TGS1: variants seen among roughly 807,000 people sequenced by gnomAD.
The protein encoded by TGS1 is trimethylguanosine synthase.
A neutral mutation model predicts 92.2 loss-of-function variants in TGS1; 69 were observed. The ratio of observed to expected loss-of-function variants is 0.75; its 90% CI spans 0.62 to 0.91. TGS1 has a LOEUF of 0.91. Among genes scored for constraint, TGS1 ranks in the 40% least tolerant of loss-of-function variants. The pLI is 0.00. For synonymous variants in TGS1, 345 were observed against 338.1 expected, an observed-to-expected ratio of 1.02 and a Z score of -0.22; for missense variants, 1,062 against 1,001.2, an observed-to-expected ratio of 1.06 and a Z score of -0.82.
chr8:55,796,705 C>T (rs907506024), intron 7 of TGS1, among the ~76,000 whole-genome samples: 1 of 151,230 alleles, frequency 6.6e-6, no homozygotes, highest in African/African-American at 2.4e-5. Flanking sequence ...AAACACGCAA[C>T]CTTGGCCGGG....
chr8:55,803,538 G>A (rs66631972), intron 9 of TGS1, among the ~76,000 whole-genome samples: 17,069 of 152,044 alleles, frequency 0.11, 1,158 homozygotes, highest in Middle Eastern at 0.17. Flanking sequence ...AAATAAGGCT[G>A]GAAAACACTT....
intron 7 of TGS1, among the ~76,000 whole-genome samples, chr8:55,796,815 ACC>A (rs1417180904): frequency 6.6e-6 from 1 of 151,548 alleles, no homozygotes; most frequent in East Asian, 1.9e-4. Flanking sequence ...ACATGGTGAA[ACC>A]CCATCTCTAC....
chr8:55,779,197 A>G (rs542767015), intron 1 of TGS1, among the ~76,000 whole-genome samples: 2 of 152,360 alleles, frequency 1.3e-5, no homozygotes, highest in South Asian at 2.1e-4. Context: ...CTTAGCAAGT[A>G]TAATGGAAAT....
intron 12 of TGS1, among the ~76,000 whole-genome samples, chr8:55,820,410 C>A (rs532000026): frequency 6.6e-6 from 1 of 151,800 alleles, no homozygotes; most frequent in Non-Finnish European, 1.5e-5. Context: ...TAGCCAGGTG[C>A]GCCAGTAATC....
rs1477506844 is a variant in TGS1 at position 55,799,211 on chromosome 8, G to A, written c.1840G>A (p.Glu614Lys). ...TQEVPDSRQA[E>K]TEAEVKKKKN... ...AGAAGTGCCAGACTCCCGCCAGGCA[G>A]AAACTGAAGGTAACACTAAATATGC... The change falls in exon 8 of 13, where the codon GAA becomes AAA. Residue 614 changes from glutamate to lysine, a missense_variant. Coordinates refer to ENST00000260129, the MANE Select transcript of TGS1 (RefSeq NM_024831.8). 6.2e-7 allele frequency: 1 copy of A among 1,607,130 alleles called. No homozygotes were observed. Among genetic ancestry groups the A allele is most frequent in the East Asian group, 2.2e-5 (1 of 44,828 alleles).
chr8:55,795,715 A>G (rs2130166856), intron 6 of TGS1, among the ~76,000 whole-genome samples: 1 of 152,316 alleles, frequency 6.6e-6, no homozygotes. Context: ...ATTGCAGTCT[A>G]CTATGTAATT....
At chr8:55,796,191 A>G (rs1404292094) in intron 7 of TGS1, 39 bp downstream of exon 7, 8 of 1,481,918 alleles carry the variant, frequency 5.4e-6, no homozygotes, top group South Asian at 2.4e-5. Flanking sequence ...AGATAGAATC[A>G]TGTTTTGTAA....
At chr8:55,790,119 C>A in intron 4 of TGS1, 63 bp from the exon 5 acceptor site, 1 of 1,196,180 alleles carries the variant, frequency 8.4e-7, no homozygotes, top group Non-Finnish European at 1.2e-6. Context: ...ATTGGCTTTG[C>A]AAATAGCAGA....
At chr8:55,812,932 C>CT in intron 11 of TGS1, 108 bp from the exon 12 acceptor site, 1 of 870,632 alleles carries the variant, frequency 1.1e-6, no homozygotes, top group Non-Finnish European at 1.8e-6. Flanking sequence ...AAGTTTTTGC[C>CT]TTTTAGTTAC....
At chr8:55,784,110 G>A (rs1208854277) in intron 2 of TGS1, among the ~76,000 whole-genome samples, 2 of 152,146 alleles carry the variant, frequency 1.3e-5, no homozygotes, top group African/African-American at 2.4e-5. Flanking sequence ...TCTGTTGCCT[G>A]AGACCATCAA....
At chr8:55,787,160 C>A in intron 4 of TGS1, 100 bp downstream of exon 4, 1 of 757,026 alleles carries the variant, frequency 1.3e-6, no homozygotes, top group Non-Finnish European at 2.1e-6. Context: ...TAAATAATAC[C>A]AAGTACATTT....
chr8:55,823,729 G>A (rs1803716165), intron 12 of TGS1, among the ~76,000 whole-genome samples: 1 of 152,114 alleles, frequency 6.6e-6, no homozygotes, highest in Non-Finnish European at 1.5e-5. Context: ...CAGGACAAAG[G>A]CTTTCAGGAA....
chr8:55,791,790 A>C (rs28613294), intron 5 of TGS1, among the ~76,000 whole-genome samples: 20,762 of 152,018 alleles, frequency 0.14, 1,541 homozygotes, highest in African/African-American at 0.19. Context: ...ATTCATCTCT[A>C]CATTTTTTTC....
rs1218434063 is a variant in TGS1 at position 55,792,699 on chromosome 8, C to G, written c.1282C>G (p.His428Asp). The G allele has an allele frequency of 6.2e-7, 1 of 1,611,618 alleles. No homozygotes were observed. The highest frequency in any genetic ancestry group is 8.5e-7 in the Non-Finnish European group (1 of 1,177,994). ...EHKPSKLKRSHELDIDENPAS... is the reference protein window; with the variant it reads ...EHKPSKLKRSDELDIDENPAS... ...ACTGTTTACCTTTTCTTTATTTAGCCATGAACTGGACATTGATGAAAACCC... is the reference window on the plus strand; with the variant it reads ...ACTGTTTACCTTTTCTTTATTTAGCGATGAACTGGACATTGATGAAAACCC... Residue 428 changes from histidine (H) to aspartate (D), a missense_variant and splice_region_variant, in exon 6 of 13, where the codon CAT (histidine) becomes GAT (aspartate). By Grantham distance (81) the His-to-Asp change is moderately conservative (BLOSUM62 -1). Coordinates refer to ENST00000260129, the MANE Select transcript of TGS1 (RefSeq NM_024831.8).
chr8:55,810,953 A>C lies in TGS1; in HGVS notation c.2216A>C (p.Asp739Ala), dbSNP rs1803320824. Residue 739 changes from aspartate (D) to alanine (A), a missense_variant, in exon 11 of 13, where the codon GAT becomes GCT. Physicochemically the swap from Asp to Ala is moderately radical, Grantham distance 126. Coordinates refer to ENST00000260129, the MANE Select transcript of TGS1 (RefSeq NM_024831.8). ...AATGCAGAAGTTTATGGGATAGCAG[A>C]TAAGATAGAGTTCATCTGTGGAGAT... ...RNNAEVYGIA[D>A]KIEFICGDFL... The C allele has an allele frequency of 6.2e-7, 1 of 1,614,050 alleles. No individual in the cohort carries two copies. The highest frequency in any genetic ancestry group is 8.5e-7 in the Non-Finnish European group (1 of 1,180,040).
chr8:55,811,150 G>T (rs1803329687), intron 11 of TGS1, 53 bp downstream of exon 11: 2 of 1,059,858 alleles, frequency 1.9e-6, no homozygotes, highest in South Asian at 1.3e-5. Flanking sequence ...TGGAGAGAAA[G>T]GAGCATGAGA....
In TGS1 at chr8:55,786,585, C is replaced by T. The variant is rs752730021; in HGVS notation, c.687C>T (p.Asn229=). The stretch of plus-strand genomic sequence containing the variant: ...AAGCACTATCTTCTGAACCTTGGAA[C>T]TTTCCTGATACAAAGGAAGAATGGG... The part of the protein sequence containing the change: ...PGQALSSEPW[N]FPDTKEEWEQ... The change falls in exon 4 of 13, where the codon AAC becomes AAT. Residue 229 remains asparagine, a synonymous_variant. Coordinates refer to ENST00000260129, the MANE Select transcript of TGS1 (RefSeq NM_024831.8). 1 of 1,614,148 alleles carries T rather than the reference C, an allele frequency of 6.2e-7. No homozygotes were observed. Among genetic ancestry groups the T allele is most frequent in the Admixed American group, 1.7e-5 (1 of 60,014 alleles).
In TGS1 at chr8:55,785,754, T is replaced by A; in HGVS notation, c.202T>A (p.Ser68Thr). Reference sequence around the variant, plus strand: ...GACAGAAGAAGAGGAAGGTGGTTATTCCTGTGGTACTGCAGAATCACATGA... The same window carrying A: ...GACAGAAGAAGAGGAAGGTGGTTATACCTGTGGTACTGCAGAATCACATGA... ...QATEEEEGGY[S>T]CGTAESHDSK... Residue 68 changes from serine (S) to threonine (T), a missense_variant, in exon 3 of 13, where the codon TCC becomes ACC. Coordinates refer to ENST00000260129, the MANE Select transcript of TGS1 (RefSeq NM_024831.8). The A allele has an allele frequency of 1.9e-6, 3 of 1,612,358 alleles. No homozygotes were observed. Among genetic ancestry groups the A allele is most frequent in the Non-Finnish European group, 2.5e-6 (3 of 1,179,342 alleles).
rs746462874 is a variant in TGS1, at chr8:55,782,788, A to C, written c.142A>C (p.Ile48Leu). ...CAATTTGGGATTAAAAGGCTATTACATCAGAGACAGTGGCAACAATTCAGG... is the reference window on the plus strand; with the variant it reads ...CAATTTGGGATTAAAAGGCTATTACCTCAGAGACAGTGGCAACAATTCAGG... ...LYNLGLKGYY[I>L]RDSGNNSGDQ... Residue 48 changes from isoleucine (I) to leucine (L), a missense_variant, in exon 2 of 13, where the codon ATC becomes CTC. Physicochemically the swap from Ile to Leu is conservative, Grantham distance 5. Coordinates refer to ENST00000260129, the MANE Select transcript of TGS1 (RefSeq NM_024831.8). The C allele has an allele frequency of 6.8e-6, 11 of 1,610,400 alleles. No individual in the cohort carries two copies. The highest frequency in any genetic ancestry group is 9.3e-6 in the Non-Finnish European group (11 of 1,178,802).
Sources: allele counts gnomAD v4.1 joint callset (sites outside exome capture counted in the v4.1 genomes callset), GRCh38; gene constraint gnomAD v4.1.1; transcripts MANE v1.5; gene names NCBI Gene and HGNC (gene_info 2026-07-23, HGNC 2026-07-21).